Variants in RUNX3 observed in about 807,000 individuals in gnomAD.
RUNX3 encodes RUNX family transcription factor 3, also known as runt-related transcription factor 3.
RUNX3 carries 10 observed loss-of-function variants against 27.7 expected under a neutral mutation model. That is an observed-to-expected ratio of 0.36 (90% confidence interval 0.22 to 0.61). The LOEUF (loss-of-function observed/expected upper bound fraction) is 0.61. Among genes scored for constraint, RUNX3 ranks in the 20% least tolerant of loss-of-function variants. The probability of loss-of-function intolerance (pLI) is 0.72; values close to 1 mark genes in which losing one functional copy is unlikely to be tolerated. For missense variants in RUNX3, 469 were observed against 629.5 expected (o/e 0.75, Z 2.73); for synonymous variants, 270 against 269.2 (o/e 1.00, Z -0.03).
At chr1:24,908,353 G>A (rs528171125) in intron 3 of RUNX3, among the ~76,000 whole-genome samples, 51 of 152,336 alleles carry the variant, frequency 3.3e-4, no homozygotes, top group African/African-American at 1.2e-3. Flanking sequence ...TTTGGCAGAA[G>A]AGGAAACTGA....
chr1:24,933,199 AG>A (rs1331236416), upstream of RUNX3, among the ~76,000 whole-genome samples: 1 of 152,200 alleles, frequency 6.6e-6, no homozygotes, highest in Non-Finnish European at 1.5e-5. Context: ...GGGCTATGGA[AG>A]GAGCTGGGGT....
chr1:24,922,292 A>G (rs1641015241), intron 2 of RUNX3, among the ~76,000 whole-genome samples: 1 of 148,062 alleles, frequency 6.8e-6, no homozygotes, highest in African/African-American at 2.5e-5. Context: ...AAGTGTTGGG[A>G]TTACAGTCGT....
Position 24,904,218 on chromosome 1 carries a change from C to T in RUNX3, c.704-1552G>A, listed in dbSNP as rs1399890648. On this transcript the variant is annotated intron_variant, in intron 4 of 4. Transcript: ENST00000308873. This position sits in a 1 kb window ranked among gnomAD's most constrained non-coding sequence, Gnocchi z 5.7. ...GCCGGAGTGGGCTCTGCCTGCCACG[C>T]CGAGGCTTGGCTGAGGACGGAGAGC... Among the ~76,000 whole-genome samples the T allele has an allele frequency of 2.6e-5, 4 of 152,172 alleles. No homozygotes were observed. The highest frequency in any genetic ancestry group is 6.5e-5 in the Admixed American group (1 of 15,286).
In RUNX3 at chr1:24,922,823, A is replaced by G. The variant is rs75473457; in HGVS notation, c.440-3479T>C. On this transcript the variant is annotated intron_variant, in intron 2 of 4. Transcript: ENST00000308873. ...AAAAAAAAAAGCGCTAAGCAGCTCA[A>G]CCTGAAGTATCACAGGCCCTACCAC... Among the ~76,000 whole-genome samples the G allele has an allele frequency of 3.1e-4, 46 of 149,670 alleles. 1 individual carries two copies. The East Asian group carries it at 8.8e-3, about 29-fold the overall frequency.
chr1:24,922,378 A>G (rs1641016679), intron 2 of RUNX3, among the ~76,000 whole-genome samples: 1 of 151,940 alleles, frequency 6.6e-6, no homozygotes, highest in Admixed American at 6.6e-5. Context: ...GGTAGGAAAA[A>G]ATTACAATTG....
chr1:24,929,175 G>A (rs913530349), intron 1 of RUNX3: 3 of 476,596 alleles, frequency 6.3e-6, no homozygotes, highest in Admixed American at 2.3e-5. Flanking sequence ...GGGAGGAGGG[G>A]TGCTGGAGGC....
At chr1:24,924,425 A>AG (rs200872239) in intron 2 of RUNX3, among the ~76,000 whole-genome samples, 10 of 113,758 alleles carry the variant, frequency 8.8e-5, no homozygotes, top group South Asian at 6.5e-4. Flanking sequence ...ACATAAAACA[A>AG]GGGTTTTTTT....
chr1:24,911,298 G>A (rs1345229050), intron 3 of RUNX3, among the ~76,000 whole-genome samples: 4 of 152,234 alleles, frequency 2.6e-5, no homozygotes, highest in Admixed American at 2.6e-4. Context: ...TGTTACTTTC[G>A]TCACAGGAGA....
At chr1:24,964,812 A>G (rs1642217561) in intron 1 of RUNX3, 1 of 1,058,154 alleles carries the variant, frequency 9.5e-7, no homozygotes, top group Non-Finnish European at 1.3e-6. Flanking sequence ...AAAATCCCCA[A>G]GGAAAGTAAG....
At position 24,919,227 on chromosome 1, in the gene RUNX3, C is replaced by A; in HGVS notation, c.544+13G>T. On this transcript the variant is annotated intron_variant, in intron 3 of 4. Coordinates refer to ENST00000308873, the MANE Select transcript of RUNX3 (RefSeq NM_004350.3). ...CCCCCGCGCAGGGGCTCAGGGGGCT[C>A]GGTGGCACTTACGTCTGGGCTCCCG... 2 of 1,561,786 alleles carry A rather than the reference C, an allele frequency of 1.3e-6. No homozygotes were observed. Among genetic ancestry groups the A allele is most frequent in the Non-Finnish European group, 8.7e-7 (1 of 1,144,414 alleles).
chr1:24,952,729 A>C lies in RUNX3; in HGVS notation c.58+11785T>G, dbSNP rs2008767. Among the ~76,000 whole-genome samples, 972 of 152,230 alleles carry C rather than the reference A, an allele frequency of 6.4e-3. 12 individuals carry two copies. The highest frequency in any genetic ancestry group is 0.022 in the African/African-American group (920 of 41,516). On this transcript the variant is annotated intron_variant, in intron 2 of 6. Coordinates refer to the RUNX3 transcript ENST00000338888. ...ATTCAGCCCCCACAGCGGCCTGGAG[A>C]GGTCACTAGCATCAATGTCTCCATC...
Position 24,927,486 on chromosome 1 carries a change from C to T in RUNX3, c.439+88G>A, listed in dbSNP as rs1462356354. The T allele has an allele frequency of 6.8e-6, 9 of 1,321,986 alleles. No individual in the cohort carries two copies. Among genetic ancestry groups the T allele is most frequent in the Non-Finnish European group, 9.7e-6 (9 of 927,498 alleles). 81.9% of individuals were successfully genotyped at this position (1,321,986 alleles called of 1,614,324 possible). On this transcript the variant is annotated intron_variant, in intron 2 of 4. Coordinates refer to ENST00000308873, the MANE Select transcript of RUNX3 (RefSeq NM_004350.3). The surrounding 1 kb of genome is among the most constrained non-coding windows in gnomAD (Gnocchi z 5.0). ...GAGCTGCATCTGGAGACCTGTTTTT[C>T]GGGATTCTAAGGCCCCTCTTTCAAC...
chr1:24,953,002 T>C (rs989448329), intron 2 of RUNX3, among the ~76,000 whole-genome samples: 6 of 152,202 alleles, frequency 3.9e-5, no homozygotes, highest in African/African-American at 1.2e-4. Flanking sequence ...AAATTTTTAC[T>C]ATCTTTCTTT....
At chr1:24,951,271 C>T (rs571461501) in intron 2 of RUNX3, among the ~76,000 whole-genome samples, 13 of 151,046 alleles carry the variant, frequency 8.6e-5, no homozygotes, top group Middle Eastern at 3.5e-3. Context: ...AAGCTCTTTC[C>T]CTGCATGTGT....
intron 3 of RUNX3, among the ~76,000 whole-genome samples, chr1:24,911,882 T>C (rs988146254): frequency 6.6e-6 from 1 of 152,196 alleles, no homozygotes; most frequent in African/African-American, 2.4e-5. Context: ...CATGCTCCCT[T>C]GCCCTCCGTA....
Position 24,902,965 on chromosome 1 carries a change from C to T in RUNX3, c.704-299G>A, listed in dbSNP as rs1394962584. ...CTTCTTTTTAAATCCTCCTTCCCAG[C>T]CTCGCAGAGGAGAGGCCTAGGATGC... On this transcript the variant is annotated intron_variant, in intron 4 of 4. Transcript: ENST00000308873. This position sits in a 1 kb window ranked among gnomAD's most constrained non-coding sequence, Gnocchi z 9.2. Among the ~76,000 whole-genome samples, 1 of 152,208 alleles carries T rather than the reference C, an allele frequency of 6.6e-6. No homozygotes were observed. Among genetic ancestry groups the T allele is most frequent in the East Asian group, 1.9e-4 (1 of 5,188 alleles).
intron 2 of RUNX3, among the ~76,000 whole-genome samples, chr1:24,940,075 G>C (rs114834528): frequency 6.6e-6 from 1 of 152,226 alleles, no homozygotes; most frequent in Non-Finnish European, 1.5e-5. Flanking sequence ...GCAGGCTTGG[G>C]GGGTAAGAGC....
chr1:24,930,522 A>G (rs1641203463), upstream of RUNX3, among the ~76,000 whole-genome samples: 1 of 151,638 alleles, frequency 6.6e-6, no homozygotes, highest in African/African-American at 2.4e-5. This position sits in a 1 kb window ranked among gnomAD's most constrained non-coding sequence, Gnocchi z 4.1. Context: ...GGCAAATGCT[A>G]GAAATTTGCT....
In RUNX3 at chr1:24,919,348, G is replaced by T; in HGVS notation, c.440-4C>A. The T allele has an allele frequency of 1.2e-6, 2 of 1,602,938 alleles. No individual in the cohort carries two copies. The highest frequency in any genetic ancestry group is 1.7e-6 in the Non-Finnish European group (2 of 1,171,274). ...ATGGTCAGGGTGAAACTCTTCCCTG[G>T]GGAGAGTGGGGAATAGAGGCAGGTG... On this transcript the variant is annotated splice_region_variant and splice_polypyrimidine_tract_variant and intron_variant, in intron 2 of 4. Transcript: ENST00000308873.
Sources: allele counts gnomAD v4.1 joint callset (sites outside exome capture counted in the v4.1 genomes callset), GRCh38; gene constraint gnomAD v4.1.1; non-coding constraint Gnocchi (gnomAD v3.1); transcripts MANE v1.5; gene names NCBI Gene and HGNC (gene_info 2026-07-23, HGNC 2026-07-21).